The following STX8 variants were observed in gnomAD, a reference collection of about 807,000 sequenced individuals.
STX8 encodes the protein syntaxin-8.
In STX8, 23 loss-of-function variants were observed where a neutral mutation model predicts 37.5. That is an observed-to-expected ratio of 0.61 (90% CI 0.44 to 0.87). The LOEUF is 0.87. Among genes scored for constraint, STX8 ranks in the 40% least tolerant of loss-of-function variants. STX8 has a pLI of 0.00. For synonymous variants in STX8, 115 were observed against 99.1 expected (o/e 1.16, Z -0.95); for missense variants, 313 against 284.7 (o/e 1.10, Z -0.71).
At chr17:9,317,127 G>T (rs1461140411) in intron 7 of STX8, among the ~76,000 whole-genome samples, 1 of 152,152 alleles carries the variant, frequency 6.6e-6, no homozygotes, top group Non-Finnish European at 1.5e-5. Flanking sequence ...CACAAGAGAG[G>T]ACAAGAGGCA....
intron 7 of STX8, among the ~76,000 whole-genome samples, chr17:9,335,542 G>A (rs550877137): frequency 8.5e-5 from 13 of 152,052 alleles, no homozygotes; most frequent in African/African-American, 2.7e-4. Flanking sequence ...ATGTAGACAC[G>A]CTATATGCAT....
chr17:9,344,329 T>C (rs1023725734), intron 7 of STX8, among the ~76,000 whole-genome samples: 50 of 151,812 alleles, frequency 3.3e-4, no homozygotes, highest in Non-Finnish European at 5.0e-4. Flanking sequence ...GTCGTGATCT[T>C]GTCTCACTGC....
chr17:9,458,374 C>G (rs554196163), intron 6 of STX8, among the ~76,000 whole-genome samples: 12 of 152,296 alleles, frequency 7.9e-5, no homozygotes, highest in African/African-American at 2.9e-4. Flanking sequence ...TGGTGTCGAT[C>G]TCCTGACTTC....
At chr17:9,376,980 A>C (rs950775189) in intron 7 of STX8, among the ~76,000 whole-genome samples, 2 of 152,198 alleles carry the variant, frequency 1.3e-5, no homozygotes, top group African/African-American at 4.8e-5. Context: ...TGAGGACCAG[A>C]AGCACAGGGC....
At chr17:9,407,670 C>T (rs1469225678) in intron 6 of STX8, among the ~76,000 whole-genome samples, 6 of 113,182 alleles carry the variant, frequency 5.3e-5, no homozygotes, top group African/African-American at 2.2e-4. Flanking sequence ...CAACTCAAAG[C>T]AGGGGGTGGG....
chr17:9,261,134 G>C (rs1231971673), intron 7 of STX8, among the ~76,000 whole-genome samples: 1 of 152,184 alleles, frequency 6.6e-6, no homozygotes, highest in African/African-American at 2.4e-5. Flanking sequence ...CTGGGATCTG[G>C]GGTCTAGGAT....
chr17:9,498,402 C>A (rs11407623), intron 5 of STX8, among the ~76,000 whole-genome samples: 12,884 of 107,274 alleles, frequency 0.12, 718 homozygotes, highest in South Asian at 0.22. Context: ...AAAAAAAAAA[C>A]AAAAGAAAAG....
chr17:9,353,868 A>G (rs1369664571), intron 7 of STX8, among the ~76,000 whole-genome samples: 8 of 152,206 alleles, frequency 5.3e-5, no homozygotes, highest in Non-Finnish European at 1.5e-5. Flanking sequence ...GAGCTTCAAA[A>G]TTTTAACAAC....
intron 6 of STX8, among the ~76,000 whole-genome samples, chr17:9,438,631 T>C (rs1166065449): frequency 6.6e-6 from 1 of 152,006 alleles, no homozygotes; most frequent in Non-Finnish European, 1.5e-5. Flanking sequence ...CAACCATACA[T>C]AACACACAGT....
intron 7 of STX8, among the ~76,000 whole-genome samples, chr17:9,315,085 C>A (rs1014998291): frequency 2.5e-5 from 3 of 119,744 alleles, no homozygotes; most frequent in Non-Finnish European, 5.0e-5. Context: ...CTGGCGACAA[C>A]GTGAGACTCT....
intron 7 of STX8, among the ~76,000 whole-genome samples, chr17:9,367,731 TTTG>T (rs557706352): frequency 2.0e-3 from 299 of 151,688 alleles, no homozygotes; most frequent in Admixed American, 3.9e-3. Context: ...AAACAGAAGG[TTTG>T]TTGTTGTTGT....
intron 4 of STX8, among the ~76,000 whole-genome samples, chr17:9,541,503 A>G (rs1186759050): frequency 6.6e-6 from 1 of 152,198 alleles, no homozygotes; most frequent in Non-Finnish European, 1.5e-5. Flanking sequence ...GAGTTTACAA[A>G]GCCTGTCTCA....
At chr17:9,462,626 G>C (rs1905445635) in intron 6 of STX8, among the ~76,000 whole-genome samples, 1 of 152,122 alleles carries the variant, frequency 6.6e-6, no homozygotes, top group Admixed American at 6.5e-5. Flanking sequence ...AGGAGGCTGA[G>C]GCACAAGAAT....
chr17:9,360,016 G>C (rs1284479361), intron 7 of STX8, among the ~76,000 whole-genome samples: 1 of 151,938 alleles, frequency 6.6e-6, no homozygotes, highest in Non-Finnish European at 1.5e-5. Flanking sequence ...AGTTCCGCGT[G>C]TCAAAGGGCC....
intron 7 of STX8, among the ~76,000 whole-genome samples, chr17:9,270,540 A>T (rs531085070): frequency 6.6e-6 from 1 of 152,020 alleles, no homozygotes; most frequent in East Asian, 1.9e-4. Context: ...AGGCGTGAGC[A>T]ACCGTGCCCA....
chr17:9,312,698 G>T (rs1909234503), intron 7 of STX8, among the ~76,000 whole-genome samples: 2 of 152,198 alleles, frequency 1.3e-5, no homozygotes, highest in Non-Finnish European at 2.9e-5. Flanking sequence ...TAAAGAGCAG[G>T]TCTGAGTGGA....
chr17:9,501,895 A>C (rs7406877), intron 5 of STX8, among the ~76,000 whole-genome samples: 2 of 151,732 alleles, frequency 1.3e-5, no homozygotes, highest in Non-Finnish European at 2.9e-5. Context: ...CGTGAACCTG[A>C]GAGGTGGAGC....
chr17:9,467,675 C>T (rs957315561), intron 6 of STX8, among the ~76,000 whole-genome samples: 2 of 152,168 alleles, frequency 1.3e-5, no homozygotes, highest in African/African-American at 2.4e-5. Context: ...GCAGGGGAAA[C>T]CCTTTCCCCT....
At chr17:9,281,341 C>A (rs145623131) in intron 7 of STX8, among the ~76,000 whole-genome samples, 57 of 152,192 alleles carry the variant, frequency 3.7e-4, no homozygotes, top group Middle Eastern at 3.4e-3. Context: ...AGGGATGATT[C>A]CTGGGTATTT....
Sources: gnomAD v4.1 joint callset for allele counts (sites outside exome capture counted in the v4.1 genomes callset) on GRCh38, gnomAD v4.1.1 for gene constraint, MANE v1.5 for transcripts, NCBI Gene and HGNC (gene_info 2026-07-23, HGNC 2026-07-21) for gene names.